SLC6A6: variants seen among roughly 807,000 people sequenced by gnomAD.
SLC6A6 encodes sodium- and chloride-dependent taurine transporter.
A neutral mutation model predicts 68.8 loss-of-function variants in SLC6A6; 16 were observed. That is an observed-to-expected ratio of 0.23 (90% confidence interval 0.16 to 0.35). The LOEUF (loss-of-function observed/expected upper bound fraction) is 0.35. Ranked by LOEUF, SLC6A6 falls within the 10% of genes least tolerant of loss-of-function variation. The probability of loss-of-function intolerance (pLI) is 1.00; values close to 1 mark genes in which losing one functional copy is unlikely to be tolerated. For missense variants in SLC6A6, 474 were observed against 802.8 expected (o/e 0.59, Z 4.95); for synonymous variants, 312 against 315.4 (o/e 0.99, Z 0.12).
intron 6 of SLC6A6, among the ~76,000 whole-genome samples, chr3:14,464,562 G>A (rs903552306): frequency 6.6e-6 from 1 of 152,132 alleles, no homozygotes; most frequent in Admixed American, 6.5e-5. Context: ...CTTCCTTTTT[G>A]CCCTTTTCCA....
Position 14,475,198 on chromosome 3 carries a change from A to ATT in SLC6A6, c.1210-1994_1210-1993dup, listed in dbSNP as rs541924411. The stretch of plus-strand genomic sequence containing the variant: ...AGGCATGTGCCACCATACCTGGCTA[A>ATT]TTTTTTTTTTTTTTGTAGAAACAGG... On this transcript the variant is annotated intron_variant, in intron 10 of 14. Coordinates refer to ENST00000622186, the MANE Select transcript of SLC6A6 (RefSeq NM_003043.6). Among the ~76,000 whole-genome samples, 10 of 145,754 alleles carry ATT rather than the reference A, an allele frequency of 6.9e-5. No individual in the cohort carries two copies. The South Asian group carries it at 1.5e-3, about 22-fold the overall frequency.
chr3:14,466,376 G>T, intron 6 of SLC6A6, 140 bp from the exon 7 acceptor site: 3 of 879,102 alleles, frequency 3.4e-6, no homozygotes, highest in Non-Finnish European at 5.1e-6. Context: ...GCCAAAGGCC[G>T]CACAGCAAGT....
intron 6 of SLC6A6, among the ~76,000 whole-genome samples, chr3:14,465,057 T>G (rs1700584701): frequency 6.6e-6 from 1 of 152,106 alleles, no homozygotes; most frequent in African/African-American, 2.4e-5. Flanking sequence ...GGGGGCATGG[T>G]GAGGATGAAG....
intron 1 of SLC6A6, among the ~76,000 whole-genome samples, chr3:14,412,988 A>G (rs531989193): frequency 3.9e-5 from 6 of 152,346 alleles, no homozygotes; most frequent in Non-Finnish European, 8.8e-5. Context: ...ACTACTGAAC[A>G]GTGTCCTCGC....
At chr3:14,479,051 T>C in intron 12 of SLC6A6, 34 bp from the exon 13 acceptor site, 1 of 1,427,414 alleles carries the variant, frequency 7.0e-7, no homozygotes, top group Non-Finnish European at 9.9e-7. Context: ...CCTTGAACGC[T>C]GTGTCAGAAA....
In SLC6A6 at chr3:14,472,138, GGT is replaced by G. The variant is rs1700766046; in HGVS notation, c.1097-66_1097-65del. The G allele has an allele frequency of 8.4e-6, 8 of 949,350 alleles. No individual in the cohort carries two copies. In the South Asian group the frequency reaches 1.1e-4, roughly 13 times the overall value. The allele number at this position is 949,350 out of a possible 1,614,324, so 58.8% of individuals were successfully genotyped here. On this transcript the variant is annotated intron_variant, in intron 9 of 14. Transcript: ENST00000622186. This position sits in a 1 kb window ranked among gnomAD's most constrained non-coding sequence, Gnocchi z 4.5. ...TCTGAGTGTCTTTGTGTGAGCCCAG[GGT>G]TCCCAGTGGCTTGGTGGCTGATGTC...
At position 14,477,450 on chromosome 3, in the gene SLC6A6, C is replaced by A; in HGVS notation, c.1347+108C>A. On this transcript the variant is annotated intron_variant, in intron 11 of 14. Transcript: ENST00000622186. The surrounding 1 kb of genome is among the most constrained non-coding windows in gnomAD (Gnocchi z 4.2). ...GAGGGCCAGGTAGGGGCTTCATCTC[C>A]CAGCCCCACCCAATTCAGGGGTCCT... 3 of 1,101,788 alleles carry A rather than the reference C, an allele frequency of 2.7e-6. No individual in the cohort carries two copies. The highest frequency in any genetic ancestry group is 4.0e-6 in the Non-Finnish European group (3 of 745,508). The allele number at this position is 1,101,788 out of a possible 1,614,324, so 68.3% of individuals were successfully genotyped here.
intron 5 of SLC6A6, among the ~76,000 whole-genome samples, chr3:14,449,260 G>A (rs1404645669): frequency 1.3e-5 from 2 of 152,226 alleles, no homozygotes; most frequent in African/African-American, 4.8e-5. Context: ...GCTCAGGGCA[G>A]GTCCTTAGGC....
chr3:14,455,621 A>T (rs1490684191), intron 5 of SLC6A6, among the ~76,000 whole-genome samples: 1 of 152,188 alleles, frequency 6.6e-6, no homozygotes, highest in African/African-American at 2.4e-5. Flanking sequence ...TTTGAGACGG[A>T]GGATAGTGCA....
chr3:14,416,448 C>T lies in SLC6A6; in HGVS notation c.-17C>T, dbSNP rs1203517709. The T allele has an allele frequency of 2.5e-6, 1 of 398,588 alleles. No individual in the cohort carries two copies. Among genetic ancestry groups the T allele is most frequent in the East Asian group, 3.6e-5 (1 of 28,098 alleles). 24.7% of individuals were successfully genotyped at this position (398,588 alleles called of 1,614,324 possible). The stretch of plus-strand genomic sequence containing the variant: ...GAACCACAGCCCTTCTGAGGAGCTC[C>T]CAAACGTAAGTGACCTTGGACCTCC... On this transcript the variant is annotated 5_prime_UTR_variant, in exon 2 of 15. Coordinates refer to ENST00000622186, the MANE Select transcript of SLC6A6 (RefSeq NM_003043.6).
intron 1 of SLC6A6, among the ~76,000 whole-genome samples, chr3:14,416,079 TGTGA>T (rs1312022452): frequency 6.6e-6 from 1 of 152,070 alleles, no homozygotes; most frequent in Non-Finnish European, 1.5e-5. Context: ...GAGGGGCGTG[TGTGA>T]GTGAGTGGGA....
rs925910818 is a variant in SLC6A6, at chr3:14,481,985, G to A, written c.1722+144G>A. ...ACCCATCCAGTGGTTCAGCTTATGG[G>A]CAGCAGAGTGCATTGTGGGAAGACG... On this transcript the variant is annotated intron_variant, in intron 14 of 14. Coordinates refer to ENST00000622186, the MANE Select transcript of SLC6A6 (RefSeq NM_003043.6). The surrounding 1 kb of genome is among the most constrained non-coding windows in gnomAD (Gnocchi z 4.7). The A allele has an allele frequency of 1.5e-5, 10 of 652,132 alleles. No homozygotes were observed. Among genetic ancestry groups the A allele is most frequent in the Admixed American group, 2.8e-5 (1 of 35,292 alleles). 40.4% of individuals were successfully genotyped at this position (652,132 alleles called of 1,614,324 possible).
intron 2 of SLC6A6, among the ~76,000 whole-genome samples, chr3:14,438,539 C>G (rs1699911721): frequency 6.6e-6 from 1 of 152,142 alleles, no homozygotes; most frequent in African/African-American, 2.4e-5. Context: ...GTTGTTTAGG[C>G]CTCAGTTTTC....
intron 9 of SLC6A6, among the ~76,000 whole-genome samples, chr3:14,470,771 C>A (rs1700733831): frequency 6.6e-6 from 1 of 152,184 alleles, no homozygotes; most frequent in Non-Finnish European, 1.5e-5. Flanking sequence ...ATTCAAAAGT[C>A]ATCTCACCGG....
At position 14,447,586 on chromosome 3, in the gene SLC6A6, C is replaced by T. The variant is rs191620816; in HGVS notation, c.369C>T (p.Ile123=). The T allele has an allele frequency of 3.0e-5, 48 of 1,614,214 alleles. No homozygotes were observed. Among genetic ancestry groups the T allele is most frequent in the African/African-American group, 1.9e-4 (14 of 75,068 alleles). ...WEKICPLFSG[I]GYASVVIVSL... is the part of the protein sequence containing the mutation. ...TCTCATTTGCCCAACCTGCAGGTAT[C>T]GGCTATGCCTCCGTTGTAATTGTGT... Residue 123 remains isoleucine (I), a synonymous_variant, in exon 5 of 15, where the codon ATC becomes ATT. Transcript: ENST00000622186.
At chr3:14,448,901 C>T (rs768752615) in intron 5 of SLC6A6, among the ~76,000 whole-genome samples, 2 of 152,262 alleles carry the variant, frequency 1.3e-5, no homozygotes, top group Non-Finnish European at 2.9e-5. Context: ...CACTCAAGTG[C>T]AGCCCCTTGA....
chr3:14,442,309 C>T (rs766917839), intron 2 of SLC6A6, among the ~76,000 whole-genome samples: 123 of 152,240 alleles, frequency 8.1e-4, no homozygotes, highest in Non-Finnish European at 1.2e-3. Context: ...GACTGCTTGG[C>T]TCTGAGTCAG....
chr3:14,431,277 C>T (rs143367329), intron 2 of SLC6A6, among the ~76,000 whole-genome samples: 28 of 152,298 alleles, frequency 1.8e-4, no homozygotes, highest in Non-Finnish European at 2.5e-4. Flanking sequence ...GAATGCCTGA[C>T]GTGGAAGGCT....
chr3:14,417,784 G>A lies in SLC6A6; in HGVS notation c.-12+1331G>A, dbSNP rs61338875. On this transcript the variant is annotated intron_variant, in intron 2 of 14. Coordinates refer to ENST00000622186, the MANE Select transcript of SLC6A6 (RefSeq NM_003043.6). ...CATTCTCTTATATAACCCTAGCACA[G>A]TTATCTACCCCAGGACACTGATTTA... 3.1e-3 allele frequency among the ~76,000 whole-genome samples: 464 copies of A among 151,252 alleles called. 4 individuals carry two copies. Among genetic ancestry groups the A allele is most frequent in the African/African-American group, 0.011 (447 of 41,164 alleles).
Sources: allele counts gnomAD v4.1 joint callset (sites outside exome capture counted in the v4.1 genomes callset), GRCh38; gene constraint gnomAD v4.1.1; non-coding constraint Gnocchi (gnomAD v3.1); transcripts MANE v1.5; gene names NCBI Gene and HGNC (gene_info 2026-07-23, HGNC 2026-07-21).